The following CFAP119 variants were observed in gnomAD, a reference collection of about 807,000 sequenced individuals.
The protein encoded by CFAP119 is cilia- and flagella-associated protein 119.
At chr16:30,759,551 C>T in the CFAP119 span, 1 of 1,614,100 alleles carries the variant, frequency 6.2e-7, no homozygotes. Context: ...GGAGAGCCCA[C>T]TGGGGTCTTC....
chr16:30,761,149 C>T, the CFAP119 span: 2 of 1,602,028 alleles, frequency 1.2e-6, no homozygotes, highest in Non-Finnish European at 1.7e-6. Flanking sequence ...GTTGGGGAGA[C>T]AATAAAGAAC....
At chr16:30,760,249 C>T in the CFAP119 span, 1 of 1,613,986 alleles carries the variant, frequency 6.2e-7, no homozygotes, top group African/African-American at 1.3e-5. Context: ...TCCTCTTCTC[C>T]CTGGGGCTCA....
the CFAP119 span, chr16:30,758,929 G>A: frequency 1.3e-6 from 2 of 1,553,086 alleles, no homozygotes; most frequent in Non-Finnish European, 1.7e-6. Context: ...AAAACAAAAA[G>A]TCTGAAGTCC....
the CFAP119 span, chr16:30,761,985 G>T: frequency 1.8e-6 from 1 of 558,120 alleles, no homozygotes; most frequent in Admixed American, 3.4e-5. Flanking sequence ...TCACGCCAGT[G>T]GGAGCGAAGA....
chr16:30,760,396 G>A, the CFAP119 span: 2 of 1,614,214 alleles, frequency 1.2e-6, no homozygotes, highest in Admixed American at 1.7e-5. Flanking sequence ...GGTCCAGGGT[G>A]ATGGCGTCCC....
At chr16:30,759,379 C>A in the CFAP119 span, 2 of 1,614,174 alleles carry the variant, frequency 1.2e-6, no homozygotes, top group South Asian at 1.1e-5. Context: ...CTTGAAGTGG[C>A]GGAAGTAAGT....
At chr16:30,757,723 G>A in the CFAP119 span, 1 of 1,522,608 alleles carries the variant, frequency 6.6e-7, no homozygotes, top group Non-Finnish European at 8.8e-7. Context: ...ATGGTCCCTA[G>A]TTGGGCAAAC....
At chr16:30,760,929 C>T in the CFAP119 span, 1 of 610,530 alleles carries the variant, frequency 1.6e-6, no homozygotes, top group Non-Finnish European at 2.9e-6. Context: ...GTCAAGTACT[C>T]CCTGTGGCCC....
chr16:30,759,226 T>A, the CFAP119 span: 1 of 1,613,944 alleles, frequency 6.2e-7, no homozygotes. Context: ...CCCATGTAAG[T>A]CAAAGACAGA....
the CFAP119 span, chr16:30,761,734 C>T: frequency 6.6e-7 from 1 of 1,525,120 alleles, no homozygotes; most frequent in Non-Finnish European, 8.8e-7. Flanking sequence ...AGTGGCTGGT[C>T]TTGCGGTTGA....
At chr16:30,758,903 G>C in the CFAP119 span, 1 of 1,517,558 alleles carries the variant, frequency 6.6e-7, no homozygotes, top group Middle Eastern at 2.3e-4. Context: ...ATCATTTAGA[G>C]AAAGGACTCT....
the CFAP119 span, chr16:30,759,725 C>A: frequency 6.2e-7 from 1 of 1,605,974 alleles, no homozygotes; most frequent in Non-Finnish European, 8.5e-7. Context: ...AAGGGGGTTG[C>A]TGGTAGGGAA....
At chr16:30,761,387 C>T in the CFAP119 span, 2 of 1,371,888 alleles carry the variant, frequency 1.5e-6, no homozygotes, top group Non-Finnish European at 2.1e-6. Context: ...AGGTGCTCTA[C>T]GCGAGCACAG....
the CFAP119 span, chr16:30,760,929 C>A: frequency 3.3e-6 from 2 of 610,412 alleles, no homozygotes; most frequent in Admixed American, 5.8e-5. Flanking sequence ...GTCAAGTACT[C>A]CCTGTGGCCC....
At chr16:30,761,878 G>T in the CFAP119 span, 1 of 895,858 alleles carries the variant, frequency 1.1e-6, no homozygotes, top group Non-Finnish European at 1.6e-6. Context: ...CGCGCGGAGA[G>T]GCGCGGCGGG....
the CFAP119 span, chr16:30,761,410 TCA>T: frequency 5.0e-6 from 7 of 1,404,056 alleles, no homozygotes; most frequent in Admixed American, 9.6e-5. Flanking sequence ...ACCACCGGGG[TCA>T]CACACCCCTG....
chr16:30,757,616 C>T, the CFAP119 span: 3 of 1,614,104 alleles, frequency 1.9e-6, no homozygotes, highest in Non-Finnish European at 1.7e-6. Flanking sequence ...TCTTTGTTCA[C>T]TTGGGTCTTG....
the CFAP119 span, chr16:30,758,624 T>C: frequency 1.1e-5 from 3 of 261,340 alleles, no homozygotes; most frequent in East Asian, 1.0e-4. Context: ...GGCCAGATCT[T>C]GGCTCACTGC....
the CFAP119 span, chr16:30,757,496 C>T: frequency 2.5e-6 from 4 of 1,613,984 alleles, no homozygotes; most frequent in Non-Finnish European, 2.5e-6. Flanking sequence ...TTGCTCTTGC[C>T]TTTACCCGGA....
Sources: allele counts gnomAD v4.1 joint callset, GRCh38; gene constraint gnomAD v4.1.1; transcripts MANE v1.5; gene names NCBI Gene and HGNC (gene_info 2026-07-23, HGNC 2026-07-21).